Variants in EFCAB11 observed in about 807,000 individuals in gnomAD.
The protein encoded by EFCAB11 is EF-hand calcium-binding domain-containing protein 11.
In EFCAB11, 14 loss-of-function variants were observed where a neutral mutation model predicts 23.0. That is an observed-to-expected ratio of 0.61 (90% CI 0.40 to 0.95). The LOEUF (loss-of-function observed/expected upper bound fraction) is 0.95. Ranked by LOEUF, EFCAB11 falls within the 40% of genes least tolerant of loss-of-function variation. The pLI is 0.00. For missense variants in EFCAB11, 198 were observed against 195.8 expected, an observed-to-expected ratio of 1.01 and a Z score of -0.07; for synonymous variants, 65 against 66.6, an observed-to-expected ratio of 0.98 and a Z score of 0.11.
Position 89,796,299 on chromosome 14 carries a change from T to C in EFCAB11, c.*944A>G, listed in dbSNP as rs1224458307. The C allele has an allele frequency of 6.6e-6, 1 of 152,220 alleles. No homozygotes were observed. Among genetic ancestry groups the C allele is most frequent in the Non-Finnish European group, 1.5e-5 (1 of 68,058 alleles). The allele number at this position is 152,220 out of a possible 1,614,324, so 9.4% of individuals were successfully genotyped here. ...TATCTTAGAGAAGTCTTTATATGTT[T>C]TTTTTTAATTGAAAGTGTTTTTTTA... On this transcript the variant is annotated 3_prime_UTR_variant, in exon 6 of 6. Coordinates refer to ENST00000316738, the MANE Select transcript of EFCAB11 (RefSeq NM_145231.4).
chr14:89,839,704 G>A (rs960917142), intron 5 of EFCAB11, among the ~76,000 whole-genome samples: 4 of 151,992 alleles, frequency 2.6e-5, no homozygotes, highest in Admixed American at 2.0e-4. Flanking sequence ...GAAGCATGGT[G>A]GCTTCTGCTT....
At chr14:89,860,245 T>A (rs1887880104) in intron 5 of EFCAB11, among the ~76,000 whole-genome samples, 1 of 152,026 alleles carries the variant, frequency 6.6e-6, no homozygotes, top group South Asian at 2.1e-4. Flanking sequence ...GCACCCATCA[T>A]CCCTGTTACT....
intron 5 of EFCAB11, among the ~76,000 whole-genome samples, chr14:89,894,019 G>A (rs1204248854): frequency 1.3e-5 from 2 of 151,012 alleles, no homozygotes; most frequent in East Asian, 3.9e-4. Context: ...TCTCTCTGTC[G>A]CCCAGGCTGG....
At chr14:89,811,515 G>T (rs978648787) in intron 5 of EFCAB11, among the ~76,000 whole-genome samples, 1 of 152,134 alleles carries the variant, frequency 6.6e-6, no homozygotes, top group Non-Finnish European at 1.5e-5. Context: ...TCTAACATGG[G>T]GAGATTATCC....
intron 5 of EFCAB11, among the ~76,000 whole-genome samples, chr14:89,905,435 C>A (rs1021333343): frequency 1.3e-5 from 2 of 152,028 alleles, no homozygotes; most frequent in African/African-American, 4.8e-5. Context: ...GTGGCACGTG[C>A]TTAGTGCAAA....
At chr14:89,934,793 A>G (rs755680830) in intron 3 of EFCAB11, among the ~76,000 whole-genome samples, 8 of 152,316 alleles carry the variant, frequency 5.3e-5, no homozygotes, top group South Asian at 4.1e-4. Flanking sequence ...GATCATATCC[A>G]TAACTTTAGC....
At chr14:89,833,264 A>C (rs1245288091) in intron 5 of EFCAB11, 1 of 151,670 alleles carries the variant, frequency 6.6e-6, no homozygotes, top group Non-Finnish European at 1.5e-5. Flanking sequence ...GAATGAAATG[A>C]TATGATCTTT....
chr14:89,799,277 G>A (rs1411177794), intron 5 of EFCAB11: 1 of 152,168 alleles, frequency 6.6e-6, no homozygotes, highest in Non-Finnish European at 1.5e-5. Context: ...GAGACATGCT[G>A]AAATACTTAA....
At chr14:89,863,108 GA>G (rs200744670) in intron 5 of EFCAB11, among the ~76,000 whole-genome samples, 3,068 of 145,608 alleles carry the variant, frequency 0.021, 61 homozygotes, top group Middle Eastern at 0.067. Context: ...AGACTTAGTA[GA>G]AAAAAAAAAT....
At chr14:89,832,017 A>T (rs1251855307) in intron 5 of EFCAB11, among the ~76,000 whole-genome samples, 4 of 152,114 alleles carry the variant, frequency 2.6e-5, no homozygotes, top group Non-Finnish European at 5.9e-5. Context: ...TAGAGATCTA[A>T]ATCCCAAGCT....
chr14:89,924,736 G>C, intron 5 of EFCAB11: 2 of 1,523,528 alleles, frequency 1.3e-6, no homozygotes, highest in Middle Eastern at 1.7e-4. Context: ...CATGTAGACA[G>C]AGGAAAATGG....
In EFCAB11 at chr14:89,856,856, G is replaced by T. The variant is rs1365501407; in HGVS notation, c.411-59532C>A. Among the ~76,000 whole-genome samples the T allele has an allele frequency of 2.6e-5, 4 of 152,146 alleles. No individual in the cohort carries two copies. The South Asian group carries it at 6.2e-4, about 24-fold the overall frequency. ...TTAACCTTTATCAGATATATGGTTT[G>T]CAAAAGCCAGCTTATTTTCAAGACC... On this transcript the variant is annotated intron_variant, in intron 5 of 5. Transcript: ENST00000316738.
chr14:89,804,619 T>C (rs1262282515), intron 5 of EFCAB11, among the ~76,000 whole-genome samples: 1 of 152,214 alleles, frequency 6.6e-6, no homozygotes, highest in Non-Finnish European at 1.5e-5. Context: ...GGAAAGTTTA[T>C]TTTGAGAGAT....
chr14:89,893,227 G>A (rs552210280), intron 5 of EFCAB11, among the ~76,000 whole-genome samples: 7 of 152,190 alleles, frequency 4.6e-5, no homozygotes, highest in East Asian at 1.9e-4. Flanking sequence ...AAATTCCAAG[G>A]GGAGCTTGGC....
chr14:89,803,583 G>A (rs1885859486), intron 5 of EFCAB11, among the ~76,000 whole-genome samples: 1 of 152,196 alleles, frequency 6.6e-6, no homozygotes, highest in Non-Finnish European at 1.5e-5. Context: ...TTGGGGTGGG[G>A]GAAAAGGGAG....
Position 89,869,703 on chromosome 14 carries a change from G to A in EFCAB11, c.410+61838C>T, listed in dbSNP as rs539579371. ...CAGCTACCTTGGGTTGCTGTGAAGAGTAAATAAAGCAAAGCACAGAAAGCA... is the reference window on the plus strand; with the variant it reads ...CAGCTACCTTGGGTTGCTGTGAAGAATAAATAAAGCAAAGCACAGAAAGCA... On this transcript the variant is annotated intron_variant, in intron 5 of 5. Transcript: ENST00000316738. Among the ~76,000 whole-genome samples, 21 of 152,330 alleles carry A rather than the reference G, an allele frequency of 1.4e-4. 1 individual carries two copies. In the South Asian group the frequency reaches 4.3e-3, roughly 32 times the overall value.
intron 3 of EFCAB11, among the ~76,000 whole-genome samples, chr14:89,941,799 G>A (rs1263733871): frequency 1.3e-5 from 2 of 151,862 alleles, no homozygotes; most frequent in Non-Finnish European, 2.9e-5. Flanking sequence ...GCTAAGGTGG[G>A]AGGATCACTT....
intron 5 of EFCAB11, among the ~76,000 whole-genome samples, chr14:89,826,664 A>T (rs1381086787): frequency 6.6e-6 from 1 of 152,178 alleles, no homozygotes; most frequent in Non-Finnish European, 1.5e-5. Flanking sequence ...GAGATTTGCC[A>T]GATATGACTT....
chr14:89,884,451 A>T (rs1278451162), intron 5 of EFCAB11, among the ~76,000 whole-genome samples: 1 of 152,230 alleles, frequency 6.6e-6, no homozygotes, highest in Non-Finnish European at 1.5e-5. Flanking sequence ...TCCATAGTTA[A>T]TGTGAAATAC....
Sources: allele counts gnomAD v4.1 joint callset (sites outside exome capture counted in the v4.1 genomes callset), GRCh38; gene constraint gnomAD v4.1.1; transcripts MANE v1.5; gene names NCBI Gene and HGNC (gene_info 2026-07-23, HGNC 2026-07-21).